Variants in LRRC49 observed in about 807,000 individuals in gnomAD.
The protein encoded by LRRC49 is leucine rich repeat containing 49.
LRRC49 carries 50 observed loss-of-function variants against 83.3 expected under a neutral mutation model. The ratio of observed to expected loss-of-function variants is 0.60; its 90% CI spans 0.48 to 0.76. The LOEUF is 0.76. LRRC49 is among the 30% of genes least tolerant of loss of function. The pLI is 0.00. For missense variants in LRRC49, 704 were observed against 809.1 expected, an observed-to-expected ratio of 0.87 and a Z score of 1.58; for synonymous variants, 286 against 283.3, an observed-to-expected ratio of 1.01 and a Z score of -0.10.
At chr15:71,006,747 A>G (rs2141258835) in intron 11 of LRRC49, among the ~76,000 whole-genome samples, 1 of 152,234 alleles carries the variant, frequency 6.6e-6, no homozygotes, top group South Asian at 2.1e-4. Flanking sequence ...TAAGGCAACA[A>G]GTAATTGCAG....
chr15:70,913,667 C>T (rs1438155576), intron 6 of LRRC49, among the ~76,000 whole-genome samples: 1 of 152,008 alleles, frequency 6.6e-6, no homozygotes, highest in Non-Finnish European at 1.5e-5. Context: ...GCTTTGTATG[C>T]CAGGCAAATT....
At chr15:70,943,835 G>A (rs1047866689) in intron 8 of LRRC49, among the ~76,000 whole-genome samples, 1 of 152,100 alleles carries the variant, frequency 6.6e-6, no homozygotes, top group Admixed American at 6.5e-5. Flanking sequence ...TTTCCCTGGT[G>A]CCTGCTGCAA....
chr15:70,895,883 T>G lies in LRRC49; in HGVS notation c.140T>G (p.Phe47Cys). The G allele has an allele frequency of 6.2e-7, 1 of 1,611,994 alleles. No individual in the cohort carries two copies. The highest frequency in any genetic ancestry group is 8.5e-7 in the Non-Finnish European group (1 of 1,179,006). The change falls in exon 3 of 16, where the codon TTC (phenylalanine) becomes TGC (cysteine). Residue 47 changes from phenylalanine (F) to cysteine (C), a missense_variant. Physicochemically the swap from Phe to Cys is radical, Grantham distance 205. Transcript: ENST00000260382. ...AAGCTAAATAAAGACACATCGTCAT[T>G]CCCCGGTAGACTTTTACAACATGAC... ...EFKLNKDTSS[F>C]PGRLLQHDLE...
At position 71,037,222 on chromosome 15, in the gene LRRC49, C is replaced by G; in HGVS notation, c.1747C>G (p.Pro583Ala). ...RYLLESKGKKPGIINEENNDS... is the reference protein window; with the variant it reads ...RYLLESKGKKAGIINEENNDS... ...TCTACTAGAATCCAAAGGAAAAAAA[C>G]CTGGTATTATCAACGAAGAAAATAA... The change falls in exon 15 of 16, where the codon CCT (proline) becomes GCT (alanine). Residue 583 changes from proline to alanine, a missense_variant. Physicochemically the swap from Pro to Ala is conservative, Grantham distance 27 (BLOSUM62 -1). This residue lies in a region of LRRC49 where 275 missense variants were observed against 338.0 expected (regional missense o/e 0.81). Transcript: ENST00000260382. The G allele has an allele frequency of 6.2e-7, 1 of 1,610,282 alleles. No individual in the cohort carries two copies. Among genetic ancestry groups the G allele is most frequent in the South Asian group, 1.1e-5 (1 of 90,624 alleles).
At chr15:70,900,720 A>T in intron 3 of LRRC49, 2 of 528,350 alleles carry the variant, frequency 3.8e-6, no homozygotes, top group South Asian at 2.0e-5. Flanking sequence ...ATTATTTGGC[A>T]TACATGGAAC....
At chr15:70,898,085 C>T (rs1179912635) in intron 3 of LRRC49, among the ~76,000 whole-genome samples, 1 of 152,174 alleles carries the variant, frequency 6.6e-6, no homozygotes, top group Non-Finnish European at 1.5e-5. Flanking sequence ...TCCATCCATC[C>T]ACCTGTCTGT....
chr15:70,932,362 A>G (rs1332830373), intron 7 of LRRC49, among the ~76,000 whole-genome samples: 2 of 152,184 alleles, frequency 1.3e-5, no homozygotes, highest in Non-Finnish European at 2.9e-5. Flanking sequence ...TTAATTTAAT[A>G]AGTCTTTTTT....
At chr15:70,992,572 A>G (rs1181120899) in intron 11 of LRRC49, among the ~76,000 whole-genome samples, 1 of 152,018 alleles carries the variant, frequency 6.6e-6, no homozygotes, top group Non-Finnish European at 1.5e-5. Flanking sequence ...CTGGAGGTCC[A>G]CTCCAGACCT....
chr15:71,040,677 G>A (rs1339409386), intron 15 of LRRC49, among the ~76,000 whole-genome samples: 4 of 151,928 alleles, frequency 2.6e-5, no homozygotes, highest in Non-Finnish European at 4.4e-5. Flanking sequence ...AAAATTAGCC[G>A]GGCGTGGTGG....
intron 2 of LRRC49, among the ~76,000 whole-genome samples, chr15:70,885,373 C>A (rs1283154175): frequency 6.6e-6 from 1 of 152,110 alleles, no homozygotes; most frequent in African/African-American, 2.4e-5. Flanking sequence ...CATGCCTTTA[C>A]AAAAGTACTA....
intron 10 of LRRC49, 70 bp from the exon 11 acceptor site, chr15:70,984,024 G>A: frequency 2.6e-6 from 3 of 1,138,488 alleles, no homozygotes; most frequent in Middle Eastern, 2.8e-4. Flanking sequence ...CAAACAATAT[G>A]CCCCTTAGAT....
Position 70,854,134 on chromosome 15 carries a change from C to A in LRRC49, c.-299+665C>A, listed in dbSNP as rs757201507. 14 of 1,205,598 alleles carry A rather than the reference C, an allele frequency of 1.2e-5. No individual in the cohort carries two copies. In the South Asian group the frequency reaches 4.6e-4, roughly 40 times the overall value. The allele number at this position is 1,205,598 out of a possible 1,614,324, so 74.7% of individuals were successfully genotyped here. On this transcript the variant is annotated intron_variant, in intron 1 of 16. Transcript: ENST00000544974. The stretch of plus-strand genomic sequence containing the variant: ...CGCCGGGGTCCTCACGCCGCAAGGC[C>A]CAGCCAGCCGGTCGGCAGCGACTGC...
chr15:71,038,289 G>A (rs2141300085), intron 15 of LRRC49, among the ~76,000 whole-genome samples: 1 of 152,256 alleles, frequency 6.6e-6, no homozygotes, highest in South Asian at 2.1e-4. Flanking sequence ...TGTGTATACT[G>A]TAGATGTGAA....
intron 14 of LRRC49, among the ~76,000 whole-genome samples, chr15:71,022,776 G>A (rs1388242461): frequency 6.6e-6 from 1 of 152,056 alleles, no homozygotes; most frequent in African/African-American, 2.4e-5. Flanking sequence ...AATAGAAAAA[G>A]GATATAAAAT....
At chr15:71,023,581 G>C (rs762366171) in intron 14 of LRRC49, among the ~76,000 whole-genome samples, 2 of 151,850 alleles carry the variant, frequency 1.3e-5, no homozygotes, top group Non-Finnish European at 2.9e-5. Flanking sequence ...AGGGTGGTGC[G>C]ATGGCCCACC....
At chr15:70,882,349 A>G in intron 2 of LRRC49, 1 of 1,062,004 alleles carries the variant, frequency 9.4e-7, no homozygotes, top group South Asian at 1.6e-5. Flanking sequence ...CTGATACTCA[A>G]CTGTCAAATT....
At chr15:70,868,651 G>C (rs764989028) in intron 1 of LRRC49, among the ~76,000 whole-genome samples, 11 of 152,218 alleles carry the variant, frequency 7.2e-5, no homozygotes, top group Non-Finnish European at 1.0e-4. Context: ...CCACGTTCCC[G>C]GGTGATGCTG....
At chr15:70,907,941 C>T (rs1289490857) in intron 5 of LRRC49, 2 of 455,830 alleles carry the variant, frequency 4.4e-6, no homozygotes, top group South Asian at 3.1e-5. Flanking sequence ...CCAGTAGGGG[C>T]CTTCTAGGTC....
At chr15:70,978,508 C>T (rs1267928480) in intron 9 of LRRC49, among the ~76,000 whole-genome samples, 1 of 152,146 alleles carries the variant, frequency 6.6e-6, no homozygotes, top group Non-Finnish European at 1.5e-5. Context: ...CACAATGTGT[C>T]TTGGATATGC....
Sources: gnomAD v4.1 joint callset for allele counts (sites outside exome capture counted in the v4.1 genomes callset) on GRCh38, gnomAD v4.1.1 for gene constraint, gnomAD v4.1.1 regional missense constraint, MANE v1.5 for transcripts, NCBI Gene and HGNC (gene_info 2026-07-23, HGNC 2026-07-21) for gene names.